The following MOK variants were observed in gnomAD, a reference collection of about 807,000 sequenced individuals.
MOK encodes MOK protein kinase, also known as MAPK/MAK/MRK overlapping kinase.
A neutral mutation model predicts 54.2 loss-of-function variants in MOK; 59 were observed. That is an observed-to-expected ratio of 1.09 (90% CI 0.88 to 1.35). The LOEUF (loss-of-function observed/expected upper bound fraction) is 1.35, where lower values mean the gene tolerates loss of function less well. Among genes scored for constraint, MOK ranks in the 40% most tolerant of loss-of-function variants. The pLI is 0.00. For missense variants in MOK, 517 were observed against 526.2 expected, an observed-to-expected ratio of 0.98 and a Z score of 0.17; for synonymous variants, 210 against 202.7, an observed-to-expected ratio of 1.04 and a Z score of -0.31.
rs371312402 is a variant in MOK at position 102,265,858 on chromosome 14, C to G, written c.177G>C (p.Pro59=). The change falls in exon 3 of 12, where the codon CCG becomes CCC. Residue 59 remains proline, a synonymous_variant. Transcript: ENST00000361847. The part of the protein sequence containing the change: ...REIQALRRLN[P]HPNILMLHEV... ...CATGCAACATAAGAATGTTTGGGTG[C>G]GGATTCAGGCGCCTCAGTGCTTGGA... is the stretch of plus-strand genomic sequence containing the variant. 2.9e-5 allele frequency: 47 copies of G among 1,613,772 alleles called. No homozygotes were observed. In the African/African-American group the frequency reaches 5.2e-4, roughly 18 times the overall value.
At chr14:102,304,613 G>C (rs2072573924) in intron 1 of MOK, among the ~76,000 whole-genome samples, 1 of 152,138 alleles carries the variant, frequency 6.6e-6, no homozygotes. Flanking sequence ...TCAGGTTCAA[G>C]CCAGCATTTA....
At chr14:102,296,083 T>C (rs774487255) in intron 1 of MOK, among the ~76,000 whole-genome samples, 1 of 151,976 alleles carries the variant, frequency 6.6e-6, no homozygotes, top group Non-Finnish European at 1.5e-5. Flanking sequence ...GAGTCTCTAC[T>C]AAAAATACAA....
At chr14:102,215,504 G>A in the MOK span, among the ~76,000 whole-genome samples, 1 of 152,230 alleles carries the variant, frequency 6.6e-6, no homozygotes, top group Non-Finnish European at 1.5e-5. Context: ...TGCTGAACGT[G>A]CAGGTTTGTT....
At position 102,232,416 on chromosome 14, in the gene MOK, G is replaced by A; in HGVS notation, c.866+119C>T. 2 of 1,219,856 alleles carry A rather than the reference G, an allele frequency of 1.6e-6. No individual in the cohort carries two copies. The highest frequency in any genetic ancestry group is 2.3e-6 in the Non-Finnish European group (2 of 875,418). The allele number at this position is 1,219,856 out of a possible 1,614,324, so 75.6% of individuals were successfully genotyped here. On this transcript the variant is annotated intron_variant, in intron 9 of 11. Coordinates refer to ENST00000361847, the MANE Select transcript of MOK (RefSeq NM_014226.3). This position sits in a 1 kb window ranked among gnomAD's most constrained non-coding sequence, Gnocchi z 5.1. ...GGCCCTGACCACTCTTCAGGATAGA[G>A]AGCGCGATTCCCAAGAACCAGGGAC...
At chr14:102,239,417 T>TCCAAA in intron 7 of MOK, among the ~76,000 whole-genome samples, 2 of 152,060 alleles carry the variant, frequency 1.3e-5, no homozygotes, top group Non-Finnish European at 2.9e-5. Context: ...CCTTTCCTCT[T>TCCAAA]ACAAAACAGG....
chr14:102,229,881 G>A lies in MOK; in HGVS notation c.982-224C>T, dbSNP rs562243562. Reference sequence around the variant, plus strand: ...CTTCAGGGGGAACCTGAAGAATGCCGACTGCAAGCTGAGCAGTGCGGGCGG... The same window carrying A: ...CTTCAGGGGGAACCTGAAGAATGCCAACTGCAAGCTGAGCAGTGCGGGCGG... On this transcript the variant is annotated intron_variant, in intron 10 of 11. Coordinates refer to ENST00000361847, the MANE Select transcript of MOK (RefSeq NM_014226.3). 42 of 554,708 alleles carry A rather than the reference G, an allele frequency of 7.6e-5. No homozygotes were observed. In the Admixed American group the frequency reaches 8.0e-4, roughly 11 times the overall value. The allele number at this position is 554,708 out of a possible 1,614,324, so 34.4% of individuals were successfully genotyped here.
chr14:102,238,865 G>C lies in MOK; in HGVS notation c.591-5076C>G, dbSNP rs2065452829. The stretch of plus-strand genomic sequence containing the variant: ...ATGCTCTGTCACCTCCTCTCAAGGA[G>C]CCCTCCATTCCCCATCTATTCCTAC... On this transcript the variant is annotated intron_variant, in intron 7 of 11. Transcript: ENST00000361847. The surrounding 1 kb of genome is among the most constrained non-coding windows in gnomAD (Gnocchi z 4.8). Among the ~76,000 whole-genome samples the C allele has an allele frequency of 6.6e-6, 1 of 152,022 alleles. No individual in the cohort carries two copies. The highest frequency in any genetic ancestry group is 1.5e-5 in the Non-Finnish European group (1 of 68,022).
chr14:102,217,997 G>A, the MOK span, among the ~76,000 whole-genome samples: 3 of 152,226 alleles, frequency 2.0e-5, no homozygotes, highest in African/African-American at 7.2e-5. Context: ...TCCCTCTGGG[G>A]GACGCCAGTG....
At position 102,233,683 on chromosome 14, in the gene MOK, C is replaced by G. The variant is rs765457630; in HGVS notation, c.692+5G>C. The G allele has an allele frequency of 1.9e-6, 3 of 1,610,152 alleles. No homozygotes were observed. The highest frequency in any genetic ancestry group is 1.7e-4 in the Middle Eastern group (1 of 6,056). On this transcript the variant is annotated splice_donor_5th_base_variant and intron_variant, in intron 8 of 11. Transcript: ENST00000361847. ...CCACATCCACTCTCAGAACACAATA[C>G]TTACTGTTTGAACTTGGTGAGGATC...
chr14:102,239,900 C>T (rs1046244253), intron 7 of MOK, among the ~76,000 whole-genome samples: 1 of 152,058 alleles, frequency 6.6e-6, no homozygotes, highest in Non-Finnish European at 1.5e-5. Context: ...AAAAAAAAAC[C>T]CTTAACCCAA....
chr14:102,299,890 T>C (rs917398604), intron 1 of MOK, among the ~76,000 whole-genome samples: 5 of 152,188 alleles, frequency 3.3e-5, no homozygotes, highest in Non-Finnish European at 7.3e-5. Flanking sequence ...GCCACTTTTC[T>C]CTTTTTATAG....
At chr14:102,224,920 T>G (rs745773764), downstream of MOK, 10 of 400,082 alleles carry the variant, frequency 2.5e-5, no homozygotes, top group Non-Finnish European at 4.9e-5. Flanking sequence ...TTTTAGGTAC[T>G]TTGGTATTTC....
At chr14:102,267,481 G>A (rs1027252459) in intron 2 of MOK, among the ~76,000 whole-genome samples, 3 of 152,150 alleles carry the variant, frequency 2.0e-5, no homozygotes, top group African/African-American at 4.8e-5. Context: ...CAGGAGAATC[G>A]CTTGAACCCA....
intron 2 of MOK, among the ~76,000 whole-genome samples, chr14:102,275,361 G>A (rs1283762433): frequency 2.0e-5 from 3 of 152,250 alleles, no homozygotes; most frequent in East Asian, 3.9e-4. Context: ...TCAGGAGATC[G>A]AGACCATCCT....
intron 2 of MOK, among the ~76,000 whole-genome samples, chr14:102,281,765 A>G (rs1339347444): frequency 6.6e-6 from 1 of 152,098 alleles, no homozygotes; most frequent in Non-Finnish European, 1.5e-5. Context: ...TAGATACGGG[A>G]TAATCAGTAT....
chr14:102,293,367 GGAT>G (rs1376518007), intron 1 of MOK, among the ~76,000 whole-genome samples: 1 of 152,098 alleles, frequency 6.6e-6, no homozygotes. Context: ...GTGAAAAAAA[GGAT>G]GATAATGATC....
chr14:102,229,009 ATACAAAGT>A lies in MOK; in HGVS notation c.*272_*279del. The A allele has an allele frequency of 2.1e-6, 1 of 467,680 alleles. No homozygotes were observed. The highest frequency in any genetic ancestry group is 3.8e-6 in the Non-Finnish European group (1 of 266,474). 29.0% of individuals were successfully genotyped at this position (467,680 alleles called of 1,614,324 possible). ...TGCCTGCTCGTTTGTTTTGATTCAT[ATACAAAGT>A]TACAAAGTATTTCCTGCCCCAAATT... On this transcript the variant is annotated 3_prime_UTR_variant, in exon 12 of 12. Transcript: ENST00000361847.
rs1268211218 is a variant in MOK, at chr14:102,229,453, C to A, written c.1182+4G>T. The A allele has an allele frequency of 3.1e-6, 5 of 1,614,210 alleles. No homozygotes were observed. The highest frequency in any genetic ancestry group is 2.2e-5 in the East Asian group (1 of 44,876). ...CGCCGTCAGAGAAGCTGGTTCCGCG[C>A]TACCTTCTTGCTCGCAGGGATGCAC... On this transcript the variant is annotated splice_donor_region_variant and intron_variant, in intron 11 of 11. Coordinates refer to ENST00000361847, the MANE Select transcript of MOK (RefSeq NM_014226.3).
intron 4 of MOK, among the ~76,000 whole-genome samples, chr14:102,255,568 G>A (rs1170541818): frequency 6.6e-6 from 1 of 152,094 alleles, no homozygotes; most frequent in African/African-American, 2.4e-5. Context: ...TGTTACTGCT[G>A]GCATGAGGTA....
Sources: allele counts gnomAD v4.1 joint callset (sites outside exome capture counted in the v4.1 genomes callset), GRCh38; gene constraint gnomAD v4.1.1; non-coding constraint Gnocchi (gnomAD v3.1); transcripts MANE v1.5; gene names NCBI Gene and HGNC (gene_info 2026-07-23, HGNC 2026-07-21).